Variants in PRKN observed in about 807,000 individuals in gnomAD.
PRKN encodes E3 ubiquitin-protein ligase parkin.
Under a neutral mutation model 59.5 loss-of-function variants are expected in PRKN, and 56 were observed. That is an observed-to-expected ratio of 0.94 (90% CI 0.76 to 1.18). The LOEUF is 1.18. PRKN is among the 50% of genes most tolerant of loss of function. The pLI, the probability that PRKN is intolerant of heterozygous loss-of-function variation, is 0.00. For missense variants in PRKN, 657 were observed against 596.4 expected (o/e 1.10, Z -1.06); for synonymous variants, 250 against 222.1 (o/e 1.13, Z -1.12).
At chr6:162,431,982 A>C (rs974579576) in intron 2 of PRKN, among the ~76,000 whole-genome samples, 1 of 152,180 alleles carries the variant, frequency 6.6e-6, no homozygotes, top group Non-Finnish European at 1.5e-5. Context: ...TCATTAGAAG[A>C]ATTTCCCCCC....
At chr6:162,193,554 G>A (rs1209056123) in intron 4 of PRKN, among the ~76,000 whole-genome samples, 1 of 152,142 alleles carries the variant, frequency 6.6e-6, no homozygotes, top group Admixed American at 6.5e-5. Flanking sequence ...AAACATTGGA[G>A]GAGTCTTTGA....
At chr6:161,889,576 G>A (rs542303436) in intron 6 of PRKN, among the ~76,000 whole-genome samples, 5 of 152,348 alleles carry the variant, frequency 3.3e-5, no homozygotes, top group Non-Finnish European at 5.9e-5. Flanking sequence ...GTGGTGCTGG[G>A]AGATGACGAC....
chr6:161,977,791 C>T (rs1156888155), intron 5 of PRKN, among the ~76,000 whole-genome samples: 4 of 151,220 alleles, frequency 2.6e-5, no homozygotes, highest in African/African-American at 7.3e-5. Context: ...TCGTGATCTG[C>T]CCACCTTGGC....
chr6:162,104,779 A>T (rs1476681498), intron 4 of PRKN, among the ~76,000 whole-genome samples: 2 of 152,238 alleles, frequency 1.3e-5, no homozygotes, highest in African/African-American at 4.8e-5. Context: ...GTAGGAGGAA[A>T]ACGACAAAAA....
At chr6:162,039,632 T>A (rs759184134) in intron 5 of PRKN, among the ~76,000 whole-genome samples, 1 of 152,224 alleles carries the variant, frequency 6.6e-6, no homozygotes, top group Non-Finnish European at 1.5e-5. Flanking sequence ...CCATGCTTCT[T>A]GTACTGCCTG....
intron 6 of PRKN, among the ~76,000 whole-genome samples, chr6:161,949,891 G>A (rs559905684): frequency 3.9e-5 from 6 of 152,288 alleles, no homozygotes; most frequent in African/African-American, 1.2e-4. Context: ...TTTAACTGGT[G>A]GTCAGTGGCT....
rs1442768281 is a variant in PRKN at position 161,473,476 on chromosome 6, CAGGAAAA to C, written c.1083+75371_1083+75377del. ...TATGCTAAGTGAACTGAGCCAGACA[CAGGAAAA>C]AGTACTGCATGATCTTACTTACATG... On this transcript the variant is annotated intron_variant, in intron 9 of 11. Coordinates refer to ENST00000366898, the MANE Select transcript of PRKN (RefSeq NM_004562.3). This position sits in a 1 kb window ranked among gnomAD's most constrained non-coding sequence, Gnocchi z 4.1. Among the ~76,000 whole-genome samples, 1 of 150,856 alleles carries C rather than the reference CAGGAAAA, an allele frequency of 6.6e-6. No homozygotes were observed. The highest frequency in any genetic ancestry group is 1.5e-5 in the Non-Finnish European group (1 of 67,838).
chr6:161,595,645 T>TGA (rs1315661630), intron 7 of PRKN, among the ~76,000 whole-genome samples: 1 of 152,092 alleles, frequency 6.6e-6, no homozygotes, highest in African/African-American at 2.4e-5. Context: ...CCTGGCAGAG[T>TGA]GTCTTTTTCC....
At chr6:161,968,492 C>A (rs543990119) in intron 6 of PRKN, among the ~76,000 whole-genome samples, 2 of 152,238 alleles carry the variant, frequency 1.3e-5, no homozygotes, top group South Asian at 4.2e-4. Flanking sequence ...CCACGGTCCC[C>A]TTGACAAGGA....
rs901179402 is a variant in PRKN at position 161,575,662 on chromosome 6, T to A, written c.872-6246A>T. Among the ~76,000 whole-genome samples the A allele has an allele frequency of 6.6e-6, 1 of 152,212 alleles. No homozygotes were observed. Among genetic ancestry groups the A allele is most frequent in the Admixed American group, 6.5e-5 (1 of 15,284 alleles). On this transcript the variant is annotated intron_variant, in intron 7 of 11. Coordinates refer to ENST00000366898, the MANE Select transcript of PRKN (RefSeq NM_004562.3). The surrounding 1 kb of genome is among the most constrained non-coding windows in gnomAD (Gnocchi z 4.6). ...AAATCGTGAGCACCCAGGCTTGGGA[T>A]AGAAATGGAAATGGATTTCAGCTCT...
chr6:161,933,251 C>A (rs1779231904), intron 6 of PRKN, among the ~76,000 whole-genome samples: 1 of 152,082 alleles, frequency 6.6e-6, no homozygotes, highest in Non-Finnish European at 1.5e-5. Flanking sequence ...TGCACTCCAG[C>A]CTGGGTGACA....
intron 7 of PRKN, among the ~76,000 whole-genome samples, chr6:161,651,459 T>A (rs1784146763): frequency 1.3e-5 from 2 of 152,184 alleles, no homozygotes; most frequent in Non-Finnish European, 2.9e-5. Context: ...GACCAAGTAA[T>A]CTCACTGGAA....
intron 2 of PRKN, among the ~76,000 whole-genome samples, chr6:162,289,082 G>A (rs1049024956): frequency 6.6e-6 from 1 of 152,140 alleles, no homozygotes; most frequent in Non-Finnish European, 1.5e-5. Context: ...CAAACTAGGG[G>A]TTTAAACAAC....
intron 2 of PRKN, among the ~76,000 whole-genome samples, chr6:162,435,501 A>G (rs1789727244): frequency 6.6e-6 from 1 of 152,194 alleles, no homozygotes; most frequent in African/African-American, 2.4e-5. Context: ...TCATTCAGGG[A>G]TACTTTCTGA....
chr6:162,569,190 CTG>C (rs1780210236), intron 1 of PRKN: 3 of 575,988 alleles, frequency 5.2e-6, no homozygotes, highest in South Asian at 4.9e-5. Flanking sequence ...GATGCAAAGA[CTG>C]AGATCTCCAA....
intron 2 of PRKN, among the ~76,000 whole-genome samples, chr6:162,373,879 C>T (rs1785900302): frequency 6.6e-6 from 1 of 151,810 alleles, no homozygotes. Context: ...TTTGTGTGGT[C>T]AAAGAAGACT....
At chr6:162,192,305 T>C (rs987287246) in intron 4 of PRKN, among the ~76,000 whole-genome samples, 1 of 152,134 alleles carries the variant, frequency 6.6e-6, no homozygotes, top group East Asian at 1.9e-4. Context: ...AATACTGGCT[T>C]GGTGTACCTC....
chr6:161,877,790 C>T (rs1032435203), intron 6 of PRKN, among the ~76,000 whole-genome samples: 1 of 151,954 alleles, frequency 6.6e-6, no homozygotes, highest in Non-Finnish European at 1.5e-5. Flanking sequence ...TTAAAAAGAG[C>T]TTTAGTTAAG....
At chr6:162,621,564 G>T (rs1782666195) in intron 1 of PRKN, among the ~76,000 whole-genome samples, 1 of 152,176 alleles carries the variant, frequency 6.6e-6, no homozygotes, top group African/African-American at 2.4e-5. Context: ...CAAGCTAAAT[G>T]AATGGTCTTT....
Sources: gnomAD v4.1 joint callset for allele counts (sites outside exome capture counted in the v4.1 genomes callset) on GRCh38, gnomAD v4.1.1 for gene constraint, Gnocchi (gnomAD v3.1) non-coding constraint, MANE v1.5 for transcripts, NCBI Gene and HGNC (gene_info 2026-07-23, HGNC 2026-07-21) for gene names.